CEP76: variants seen among roughly 807,000 people sequenced by gnomAD.
The protein encoded by CEP76 is centrosomal protein 76, also known as centrosomal protein of 76 kDa.
Under a neutral mutation model 83.3 loss-of-function variants are expected in CEP76, and 55 were observed. The ratio of observed to expected loss-of-function variants is 0.66; its 90% confidence interval spans 0.53 to 0.83. CEP76 has a LOEUF of 0.83. CEP76 is among the 40% of genes least tolerant of loss of function. The pLI is 0.00. For synonymous variants in CEP76, 270 were observed against 274.5 expected (o/e 0.98, Z 0.16); for missense variants, 694 against 799.5 (o/e 0.87, Z 1.59).
chr18:12,662,085 T>G (rs932679439), exon 13 of CEP76: 28 of 420,696 alleles, frequency 6.7e-5, no homozygotes, highest in Non-Finnish European at 1.2e-4. Flanking sequence ...TGTGCTGCTC[T>G]GAGTCTTTCA....
At chr18:12,690,343 A>G (rs757312259) in intron 7 of CEP76, among the ~76,000 whole-genome samples, 6 of 152,220 alleles carry the variant, frequency 3.9e-5, no homozygotes, top group Non-Finnish European at 8.8e-5. Flanking sequence ...CTTAACTTAA[A>G]ATAATATACT....
downstream of CEP76, among the ~76,000 whole-genome samples, chr18:12,669,201 C>T (rs2038878207): frequency 6.6e-6 from 1 of 151,534 alleles, no homozygotes; most frequent in Non-Finnish European, 1.5e-5. Flanking sequence ...CAACCTCCAC[C>T]TCCCAGATTG....
In CEP76 at chr18:12,673,396, A is replaced by C. The variant is rs2038999295; in HGVS notation, c.1949T>G (p.Met650Arg). 6.2e-7 allele frequency: 1 copy of C among 1,607,610 alleles called. No homozygotes were observed. The highest frequency in any genetic ancestry group is 8.5e-7 in the Non-Finnish European group (1 of 1,177,928). ...TACCGAGCGATATTTACAAGCAAACATGATCCAAACAGCACATGCAGATTC... is the reference window on the plus strand; with the variant it reads ...TACCGAGCGATATTTACAAGCAAACCTGATCCAAACAGCACATGCAGATTC... ...YPESACAVWIMFACKYRSVL is the reference protein window; with the variant it reads ...YPESACAVWIRFACKYRSVL The change falls in exon 12 of 12, where the codon ATG becomes AGG. Residue 650 changes from methionine to arginine, a missense_variant. Transcript: ENST00000262127.
chr18:12,688,745 C>T (rs1438721405), intron 7 of CEP76, among the ~76,000 whole-genome samples: 1 of 152,072 alleles, frequency 6.6e-6, no homozygotes, highest in Non-Finnish European at 1.5e-5. Flanking sequence ...GTCATAATAG[C>T]CACATTTTGA....
intron 12 of CEP76, chr18:12,665,161 A>T (rs2038779047): frequency 6.6e-6 from 1 of 152,174 alleles, no homozygotes. Flanking sequence ...ATCAACATAA[A>T]ATATGACTTC....
chr18:12,684,869 T>C (rs1465607780), intron 8 of CEP76: 2 of 152,178 alleles, frequency 1.3e-5, no homozygotes, highest in African/African-American at 4.8e-5. Context: ...TAAAATTAGT[T>C]TACTAAAATC....
intron 10 of CEP76, among the ~76,000 whole-genome samples, chr18:12,675,077 T>TAG (rs113084450): frequency 6.6e-6 from 1 of 151,516 alleles, no homozygotes; most frequent in Non-Finnish European, 1.5e-5. Flanking sequence ...GTATAATTCT[T>TAG]ATATTTTGAG....
At chr18:12,678,476 TTAAAAA>T in intron 9 of CEP76, 34 bp from the exon 10 acceptor site, 1 of 1,408,520 alleles carries the variant, frequency 7.1e-7, no homozygotes, top group Non-Finnish European at 9.6e-7. Flanking sequence ...ATATGAGAAC[TTAAAAA>T]TTAAAAAGGC....
Position 12,672,962 on chromosome 18 carries a change from A to G in CEP76, c.*403T>C, listed in dbSNP as rs1211211596. On this transcript the variant is annotated 3_prime_UTR_variant, in exon 12 of 12. Coordinates refer to ENST00000262127, the MANE Select transcript of CEP76 (RefSeq NM_024899.4). The stretch of plus-strand genomic sequence containing the variant: ...TAATTTCTCCTAATCTGTATAAAAT[A>G]ATTCCATTAACCTGTGAAAAGTAAT... The G allele has an allele frequency of 1.0e-6, 1 of 985,298 alleles. No individual in the cohort carries two copies. Among genetic ancestry groups the G allele is most frequent in the African/African-American group, 1.7e-5 (1 of 57,204 alleles). 61.0% of individuals were successfully genotyped at this position (985,298 alleles called of 1,614,324 possible).
chr18:12,669,032 CTTTTTTTTTTTT>C (rs71174122), downstream of CEP76, among the ~76,000 whole-genome samples: 2 of 41,960 alleles, frequency 4.8e-5, 1 homozygote. Context: ...ACCCCCCGCA[CTTTTTTTTTTTT>C]TTTTTTTTTT....
downstream of CEP76, among the ~76,000 whole-genome samples, chr18:12,669,687 C>T (rs2144961610): frequency 6.6e-6 from 1 of 152,166 alleles, no homozygotes; most frequent in African/African-American, 2.4e-5. Context: ...GCTAAATATA[C>T]AAGGTAAATT....
chr18:12,686,530 A>T, intron 7 of CEP76, 80 bp from the exon 8 acceptor site: 1 of 1,052,462 alleles, frequency 9.5e-7, no homozygotes, highest in East Asian at 2.4e-5. Flanking sequence ...TTAATGTAGG[A>T]TAAAATAATT....
intron 4 of CEP76, among the ~76,000 whole-genome samples, chr18:12,698,151 TTTTA>T (rs1452287642): frequency 1.4e-5 from 2 of 147,000 alleles, no homozygotes; most frequent in Non-Finnish European, 3.0e-5. Context: ...AAATTTGACT[TTTTA>T]TTTTATTTAT....
At chr18:12,686,698 G>C (rs1242472396) in intron 7 of CEP76, 1 of 324,890 alleles carries the variant, frequency 3.1e-6, no homozygotes, top group Non-Finnish European at 5.7e-6. Context: ...TTCAAGCTCT[G>C]AGCTGTTTTA....
intron 8 of CEP76, among the ~76,000 whole-genome samples, chr18:12,681,256 A>ATTTTT (rs34816720): frequency 8.7e-6 from 1 of 115,392 alleles, no homozygotes; most frequent in Non-Finnish European, 1.7e-5. Flanking sequence ...AAAGTAGAAC[A>ATTTTT]TTTTTTTTTT....
intron 2 of CEP76, 61 bp from the exon 3 acceptor site, chr18:12,699,966 G>A (rs2040096041): frequency 7.0e-6 from 8 of 1,146,846 alleles, no homozygotes; most frequent in Non-Finnish European, 9.9e-6. Flanking sequence ...TTAAGGAAAT[G>A]TCAATAAACA....
chr18:12,700,909 T>C (rs2040127800), intron 2 of CEP76, 49 bp downstream of exon 2: 1 of 1,433,416 alleles, frequency 7.0e-7, no homozygotes, highest in Non-Finnish European at 9.6e-7. Context: ...GTGTTACGCA[T>C]TAGTATATAC....
intron 6 of CEP76, 86 bp downstream of exon 6, chr18:12,695,168 A>C: frequency 2.0e-6 from 1 of 508,892 alleles, no homozygotes; most frequent in Non-Finnish European, 3.4e-6. Flanking sequence ...TAATTTTCTA[A>C]AAATAGAGTG....
At chr18:12,671,628 A>G (rs992355349), downstream of CEP76, among the ~76,000 whole-genome samples, 2 of 147,016 alleles carry the variant, frequency 1.4e-5, no homozygotes, top group Admixed American at 1.4e-4. Context: ...TTGAGGAATC[A>G]GGTTTCACAC....
Sources: allele counts gnomAD v4.1 joint callset (sites outside exome capture counted in the v4.1 genomes callset), GRCh38; gene constraint gnomAD v4.1.1; transcripts MANE v1.5; gene names NCBI Gene and HGNC (gene_info 2026-07-23, HGNC 2026-07-21).